Variants in EEA1 observed in about 807,000 individuals in gnomAD.
EEA1 encodes early endosome antigen 1.
Under a neutral mutation model 209.2 loss-of-function variants are expected in EEA1, and 111 were observed. That is an observed-to-expected ratio of 0.53 (90% CI 0.45 to 0.62). The LOEUF (loss-of-function observed/expected upper bound fraction) is 0.62, where lower values mean the gene tolerates loss of function less well. Among genes scored for constraint, EEA1 ranks in the 20% least tolerant of loss-of-function variants. EEA1 has a pLI of 0.00. For synonymous variants in EEA1, 536 were observed against 540.6 expected, an observed-to-expected ratio of 0.99 and a Z score of 0.12; for missense variants, 1,343 against 1,530.8, an observed-to-expected ratio of 0.88 and a Z score of 2.05.
chr12:92,808,678 T>C (rs1049515779), intron 18 of EEA1, among the ~76,000 whole-genome samples: 2 of 152,086 alleles, frequency 1.3e-5, no homozygotes, highest in Non-Finnish European at 2.9e-5. Flanking sequence ...AACACATAAA[T>C]ATCCCCGAAT....
intron 2 of EEA1, among the ~76,000 whole-genome samples, chr12:92,875,461 C>T (rs113809967): frequency 0.027 from 4,045 of 151,926 alleles, 182 homozygotes; most frequent in African/African-American, 0.091. Context: ...ACATTTTATG[C>T]CCCACTAATC....
chr12:92,903,410 C>T (rs958375348), intron 1 of EEA1, among the ~76,000 whole-genome samples: 3 of 151,484 alleles, frequency 2.0e-5, no homozygotes, highest in Non-Finnish European at 2.9e-5. Flanking sequence ...CCAGCCTGAC[C>T]AACAAGGAGA....
chr12:92,893,927 T>C (rs1211330569), intron 1 of EEA1, among the ~76,000 whole-genome samples: 2 of 152,200 alleles, frequency 1.3e-5, no homozygotes, highest in South Asian at 2.1e-4. Flanking sequence ...TGTCTCTTTA[T>C]TGCACTTTGC....
At chr12:92,858,117 T>C (rs1293655735) in intron 3 of EEA1, 6 of 542,574 alleles carry the variant, frequency 1.1e-5, no homozygotes, top group South Asian at 8.0e-5. Context: ...TAGGTGTTCA[T>C]TGAGAAGGGC....
chr12:92,800,850 G>A (rs1228180618), intron 20 of EEA1, among the ~76,000 whole-genome samples: 2 of 152,128 alleles, frequency 1.3e-5, no homozygotes, highest in South Asian at 2.1e-4. Flanking sequence ...TCAGAACTTG[G>A]GCATGAAGCA....
intron 2 of EEA1, chr12:92,879,122 T>G: frequency 4.7e-6 from 1 of 214,212 alleles, no homozygotes. Flanking sequence ...CCCCCAAAAA[T>G]ACATAAACAA....
intron 2 of EEA1, among the ~76,000 whole-genome samples, chr12:92,877,504 G>A (rs777035721): frequency 2.0e-5 from 3 of 152,080 alleles, no homozygotes; most frequent in Non-Finnish European, 4.4e-5. Flanking sequence ...GGTTTTCTGA[G>A]AAGGTGATAA....
chr12:92,882,104 T>C (rs1015583155), intron 2 of EEA1, among the ~76,000 whole-genome samples: 9 of 152,216 alleles, frequency 5.9e-5, no homozygotes, highest in Non-Finnish European at 1.2e-4. Flanking sequence ...TCTAGTCATA[T>C]GATTTTTCTT....
chr12:92,857,392 A>T, intron 4 of EEA1, 39 bp downstream of exon 4: 1 of 1,571,744 alleles, frequency 6.4e-7, no homozygotes, highest in Non-Finnish European at 8.6e-7. Context: ...ATTATCTGAA[A>T]CACTGAAAAT....
At chr12:92,881,084 C>T (rs7980123) in intron 2 of EEA1, among the ~76,000 whole-genome samples, 93,439 of 151,916 alleles carry the variant, frequency 0.62, 29,522 homozygotes, top group East Asian at 0.94. Flanking sequence ...ATGAGGTAGT[C>T]CTCCCACTGC....
Position 92,775,063 on chromosome 12 carries a change from A to G in EEA1, c.*948T>C, listed in dbSNP as rs1873597911. On this transcript the variant is annotated 3_prime_UTR_variant, in exon 29 of 29. Transcript: ENST00000322349. Reference sequence around the variant, plus strand: ...AGGAAAAAATCAGATCTATGTAAAAAGCAAACTCAGGTTCCTGAAGATGCT... The same window carrying G: ...AGGAAAAAATCAGATCTATGTAAAAGGCAAACTCAGGTTCCTGAAGATGCT... The G allele has an allele frequency of 6.6e-6, 1 of 151,730 alleles. No homozygotes were observed. Among genetic ancestry groups the G allele is most frequent in the Non-Finnish European group, 1.5e-5 (1 of 67,682 alleles). 9.4% of individuals were successfully genotyped at this position (151,730 alleles called of 1,614,324 possible).
In EEA1 at chr12:92,775,288, AC is replaced by A. The variant is rs1377167948; in HGVS notation, c.*722del. ...CAGAAAAAGACAAAAAGAAAAATTA[AC>A]CCTATTCTTTGCAATACAACCCCAG... On this transcript the variant is annotated 3_prime_UTR_variant, in exon 29 of 29. Coordinates refer to ENST00000322349, the MANE Select transcript of EEA1 (RefSeq NM_003566.4). 1 of 151,724 alleles carries A rather than the reference AC, an allele frequency of 6.6e-6. No homozygotes were observed. Among genetic ancestry groups the A allele is most frequent in the Admixed American group, 6.6e-5 (1 of 15,178 alleles). The allele number at this position is 151,724 out of a possible 1,614,324, so 9.4% of individuals were successfully genotyped here.
chr12:92,815,978 G>C (rs929869136), intron 15 of EEA1, among the ~76,000 whole-genome samples: 2 of 151,606 alleles, frequency 1.3e-5, no homozygotes, highest in Non-Finnish European at 2.9e-5. Flanking sequence ...AAGGAAGAGT[G>C]AGAGGAAGGC....
chr12:92,905,938 C>T (rs1880367962), intron 1 of EEA1, among the ~76,000 whole-genome samples: 1 of 152,002 alleles, frequency 6.6e-6, no homozygotes, highest in African/African-American at 2.4e-5. Context: ...CAAAATCTCA[C>T]TCTGTGACCC....
intron 2 of EEA1, among the ~76,000 whole-genome samples, chr12:92,889,553 CA>C (rs959889091): frequency 6.9e-6 from 1 of 144,642 alleles, no homozygotes; most frequent in East Asian, 2.0e-4. Context: ...AAGAACAAAC[CA>C]AAAAAAAACC....
intron 14 of EEA1, 138 bp downstream of exon 14, chr12:92,819,170 T>G (rs1875931366): frequency 8.9e-6 from 6 of 673,228 alleles, no homozygotes; most frequent in Non-Finnish European, 1.4e-5. Flanking sequence ...GTACATGAGA[T>G]GCTATTTGGC....
chr12:92,818,642 A>G (rs181642001), intron 14 of EEA1, among the ~76,000 whole-genome samples: 1 of 152,324 alleles, frequency 6.6e-6, no homozygotes, highest in African/African-American at 2.4e-5. Context: ...CTAAAATTAG[A>G]AAAGTGATAT....
At chr12:92,816,898 T>TA (rs1250977365) in intron 14 of EEA1, among the ~76,000 whole-genome samples, 1 of 150,052 alleles carries the variant, frequency 6.7e-6, no homozygotes, top group Non-Finnish European at 1.5e-5. Context: ...CATTCTGTGT[T>TA]ACGGCTTTTA....
chr12:92,927,186 C>G (rs746296496), intron 1 of EEA1, among the ~76,000 whole-genome samples: 26 of 152,216 alleles, frequency 1.7e-4, no homozygotes, highest in Non-Finnish European at 2.9e-4. Flanking sequence ...TTGGTTGTCA[C>G]AAGGGGGAAG....
Sources: allele counts gnomAD v4.1 joint callset (sites outside exome capture counted in the v4.1 genomes callset), GRCh38; gene constraint gnomAD v4.1.1; transcripts MANE v1.5; gene names NCBI Gene and HGNC (gene_info 2026-07-23, HGNC 2026-07-21).